The following CYP27A1 variants were observed in gnomAD, a reference collection of about 807,000 sequenced individuals.
CYP27A1 encodes the protein sterol 26-hydroxylase, mitochondrial.
In CYP27A1, 46 loss-of-function variants were observed where a neutral mutation model predicts 58.2. The ratio of observed to expected loss-of-function variants is 0.79; its 90% CI spans 0.62 to 1.01. The LOEUF (loss-of-function observed/expected upper bound fraction) is 1.01. Among genes scored for constraint, CYP27A1 ranks in the 50% least tolerant of loss-of-function variants. The pLI, the probability that CYP27A1 is intolerant of heterozygous loss-of-function variation, is 0.00. For missense variants in CYP27A1, 704 were observed against 687.0 expected, an observed-to-expected ratio of 1.02 and a Z score of -0.28; for synonymous variants, 274 against 285.1, an observed-to-expected ratio of 0.96 and a Z score of 0.39.
chr2:218,801,406 T>G (rs1190223714), intron 1 of CYP27A1, among the ~76,000 whole-genome samples: 4 of 152,068 alleles, frequency 2.6e-5, no homozygotes, highest in Non-Finnish European at 5.9e-5. Context: ...CTCAGGAGGC[T>G]GAGGCAGGAG....
In CYP27A1 at chr2:218,814,685, C is replaced by G. The variant is rs1337134065; in HGVS notation, c.1404C>G (p.Pro468=). 6.2e-7 allele frequency: 1 copy of G among 1,614,218 alleles called. No homozygotes were observed. Among genetic ancestry groups the G allele is most frequent in the South Asian group, 1.1e-5 (1 of 91,086 alleles). Residue 468 remains proline, a synonymous_variant, in exon 8 of 9, where the codon CCC becomes CCG. Transcript: ENST00000258415. ...TCCAGCACCCATTTGGCTCTGTGCC[C>G]TTTGGCTATGGGGTCCGGGCCTGCC... The part of the protein sequence containing the change: ...PRIQHPFGSV[P]FGYGVRACLG...
At chr2:218,796,444 A>C (rs1943548817) in intron 1 of CYP27A1, among the ~76,000 whole-genome samples, 1 of 152,150 alleles carries the variant, frequency 6.6e-6, no homozygotes, top group African/African-American at 2.4e-5. Context: ...AAATACAAAA[A>C]TTAGCCAGGC....
rs1014497410 is a variant in CYP27A1 at position 218,815,207 on chromosome 2, C to T, written c.*177C>T. ...TGCCACTTCTATCATTTTTGAGCAACTCCCTCTCAGCTAAAAGGCCACCCC... is the reference window on the plus strand; with the variant it reads ...TGCCACTTCTATCATTTTTGAGCAATTCCCTCTCAGCTAAAAGGCCACCCC... On this transcript the variant is annotated 3_prime_UTR_variant, in exon 9 of 9. Transcript: ENST00000258415. 1.0e-5 allele frequency: 7 copies of T among 685,424 alleles called. No individual in the cohort carries two copies. Among genetic ancestry groups the T allele is most frequent in the South Asian group, 5.2e-5 (3 of 57,242 alleles). The allele number at this position is 685,424 out of a possible 1,614,324, so 42.5% of individuals were successfully genotyped here.
At chr2:218,795,623 A>G (rs4674343) in intron 1 of CYP27A1, among the ~76,000 whole-genome samples, 71,672 of 152,038 alleles carry the variant, frequency 0.47, 17,381 homozygotes, top group Non-Finnish European at 0.5. Flanking sequence ...TACATTATCC[A>G]TCTGAGCTGC....
intron 5 of CYP27A1, 105 bp downstream of exon 5, chr2:218,813,201 C>T: frequency 9.4e-7 from 1 of 1,065,704 alleles, no homozygotes; most frequent in Non-Finnish European, 1.3e-6. Context: ...CAAGGACCTG[C>T]TTCTTTTTCT....
intron 1 of CYP27A1, among the ~76,000 whole-genome samples, chr2:218,799,925 C>T (rs1943583314): frequency 6.6e-6 from 1 of 152,038 alleles, no homozygotes; most frequent in Non-Finnish European, 1.5e-5. Context: ...TTGATCAGTG[C>T]ATAAAGCCTC....
intron 1 of CYP27A1, among the ~76,000 whole-genome samples, chr2:218,805,449 A>G (rs1943641176): frequency 1.3e-5 from 2 of 152,358 alleles, no homozygotes; most frequent in South Asian, 4.1e-4. Context: ...TTCACCCATG[A>G]GGATTTTCAA....
chr2:218,788,781 C>G (rs925878626), intron 1 of CYP27A1, among the ~76,000 whole-genome samples: 3 of 152,154 alleles, frequency 2.0e-5, no homozygotes, highest in African/African-American at 7.2e-5. Context: ...AACACCACTC[C>G]CATTCTGTTA....
intron 1 of CYP27A1, among the ~76,000 whole-genome samples, chr2:218,801,087 C>G (rs1479681567): frequency 6.6e-6 from 1 of 152,090 alleles, no homozygotes; most frequent in Non-Finnish European, 1.5e-5. Flanking sequence ...GAATAAAACT[C>G]CTAAAATGGA....
At chr2:218,810,620 T>C (rs1057376439) in intron 2 of CYP27A1, among the ~76,000 whole-genome samples, 87 of 152,216 alleles carry the variant, frequency 5.7e-4, no homozygotes, top group African/African-American at 2.0e-3. Flanking sequence ...TTATGAAGCA[T>C]TGTTTCCTCC....
chr2:218,814,739 G>A lies in CYP27A1; in HGVS notation c.1458G>A (p.Met486Ile). The A allele has an allele frequency of 3.1e-6, 5 of 1,614,198 alleles. No homozygotes were observed. The highest frequency in any genetic ancestry group is 4.2e-6 in the Non-Finnish European group (5 of 1,180,042). ...CLGRRIAELE[M>I]QLLLARLIQK... ...GCCGCAGGATTGCAGAGCTGGAGAT[G>A]CAGCTACTCCTCGCAAGGGTGAGCT... The change falls in exon 8 of 9, where the codon ATG becomes ATA. Residue 486 changes from methionine (M) to isoleucine (I), a missense_variant. Coordinates refer to ENST00000258415, the MANE Select transcript of CYP27A1 (RefSeq NM_000784.4).
chr2:218,797,487 G>C (rs978830692), intron 1 of CYP27A1, among the ~76,000 whole-genome samples: 1 of 152,048 alleles, frequency 6.6e-6, no homozygotes, highest in Non-Finnish European at 1.5e-5. Flanking sequence ...TATTCACCAA[G>C]GTATAACCTA....
intron 1 of CYP27A1, among the ~76,000 whole-genome samples, chr2:218,806,604 G>A (rs1943654519): frequency 6.6e-6 from 1 of 152,268 alleles, no homozygotes; most frequent in Non-Finnish European, 1.5e-5. Context: ...GCCTACGTTT[G>A]TTTCCAGTTA....
At chr2:218,808,568 T>C (rs1338073186) in intron 1 of CYP27A1, among the ~76,000 whole-genome samples, 5 of 152,154 alleles carry the variant, frequency 3.3e-5, no homozygotes, top group African/African-American at 1.2e-4. Context: ...ATCTCCACAA[T>C]TGGTAATGTC....
Position 218,803,380 on chromosome 2 carries a change from A to G in CYP27A1, c.256-6197A>G, listed in dbSNP as rs114168559. On this transcript the variant is annotated intron_variant, in intron 1 of 8. Transcript: ENST00000258415. The stretch of plus-strand genomic sequence containing the variant: ...ATTTACAAATATTTTCTCTCGTTCT[A>G]TAAGCTGTCTTTTCACATTCTTGAT... Among the ~76,000 whole-genome samples the G allele has an allele frequency of 5.4e-3, 827 of 152,330 alleles. 9 individuals are homozygous for G. The highest frequency in any genetic ancestry group is 0.018 in the African/African-American group (768 of 41,572).
chr2:218,790,201 ATCAT>A (rs1441758933), intron 1 of CYP27A1, among the ~76,000 whole-genome samples: 1 of 152,210 alleles, frequency 6.6e-6, no homozygotes, highest in African/African-American at 2.4e-5. Context: ...GTCTCAGCAC[ATCAT>A]TCATAGGTTA....
chr2:218,792,290 A>T (rs7559629), intron 1 of CYP27A1, among the ~76,000 whole-genome samples: 54,106 of 152,022 alleles, frequency 0.36, 10,391 homozygotes, highest in Non-Finnish European at 0.43. Context: ...AAGTTATCAT[A>T]GGTAATTTGA....
intron 1 of CYP27A1, among the ~76,000 whole-genome samples, chr2:218,801,631 G>A (rs1400041401): frequency 6.6e-6 from 1 of 152,062 alleles, no homozygotes; most frequent in Non-Finnish European, 1.5e-5. Context: ...TATCATAGTT[G>A]AAAGTGGTAT....
intron 1 of CYP27A1, among the ~76,000 whole-genome samples, chr2:218,791,225 C>G (rs532724685): frequency 6.6e-6 from 1 of 152,160 alleles, no homozygotes; most frequent in Non-Finnish European, 1.5e-5. Flanking sequence ...GAGTTAAGAC[C>G]TCCTGGCAAT....
Sources: gnomAD v4.1 joint callset for allele counts (sites outside exome capture counted in the v4.1 genomes callset) on GRCh38, gnomAD v4.1.1 for gene constraint, MANE v1.5 for transcripts, NCBI Gene and HGNC (gene_info 2026-07-23, HGNC 2026-07-21) for gene names.